Variants in CSMD1 observed in about 807,000 individuals in gnomAD.
CSMD1 encodes the protein CUB and sushi domain-containing protein 1.
Under a neutral mutation model 417.5 loss-of-function variants are expected in CSMD1, and 213 were observed. The ratio of observed to expected loss-of-function variants is 0.51; its 90% CI spans 0.46 to 0.57. The LOEUF (loss-of-function observed/expected upper bound fraction) is 0.57. CSMD1 is among the 20% of genes least tolerant of loss of function. CSMD1 has a pLI of 0.00. For missense variants in CSMD1, 6,923 were observed against 4,529.7 expected, an observed-to-expected ratio of 1.53 and a Z score of -15.17; for synonymous variants, 2,862 against 1,736.8, an observed-to-expected ratio of 1.65 and a Z score of -16.11.
At chr8:4,674,587 T>C (rs1221933323) in intron 1 of CSMD1, among the ~76,000 whole-genome samples, 1 of 152,144 alleles carries the variant, frequency 6.6e-6, no homozygotes, top group Admixed American at 6.5e-5. Context: ...GTTCTGGTAC[T>C]TGAAGCTTTG....
At chr8:4,130,848 A>G (rs1485072444) in intron 3 of CSMD1, among the ~76,000 whole-genome samples, 1 of 151,354 alleles carries the variant, frequency 6.6e-6, no homozygotes, top group African/African-American at 2.4e-5. Flanking sequence ...TATTATATAT[A>G]TATTATTTAA....
chr8:4,037,680 G>C (rs932116542), intron 3 of CSMD1, among the ~76,000 whole-genome samples: 1 of 152,240 alleles, frequency 6.6e-6, no homozygotes. Flanking sequence ...TGATTTTAAA[G>C]GGGAAGGTGT....
intron 54 of CSMD1, among the ~76,000 whole-genome samples, chr8:2,981,232 G>A (rs917723801): frequency 6.6e-6 from 1 of 152,178 alleles, no homozygotes; most frequent in Non-Finnish European, 1.5e-5. Flanking sequence ...GTTTGTTAGT[G>A]ACCAACCAAT....
intron 5 of CSMD1, among the ~76,000 whole-genome samples, chr8:3,925,142 A>T (rs533670646): frequency 1.3e-5 from 2 of 152,196 alleles, no homozygotes; most frequent in Non-Finnish European, 2.9e-5. Flanking sequence ...CCACCCAGCT[A>T]ATCCACTTCC....
At chr8:4,690,173 T>G (rs1455216460) in intron 1 of CSMD1, among the ~76,000 whole-genome samples, 3 of 152,200 alleles carry the variant, frequency 2.0e-5, no homozygotes, top group African/African-American at 7.2e-5. Flanking sequence ...ACCCTCACAG[T>G]GTTATTTACA....
At chr8:4,168,454 G>A (rs577862016) in intron 3 of CSMD1, among the ~76,000 whole-genome samples, 31 of 151,708 alleles carry the variant, frequency 2.0e-4, no homozygotes, top group Admixed American at 5.9e-4. Flanking sequence ...GCAATATAAC[G>A]TATTTTTAGA....
At chr8:4,332,173 C>T (rs921003488) in intron 3 of CSMD1, among the ~76,000 whole-genome samples, 2 of 152,098 alleles carry the variant, frequency 1.3e-5, no homozygotes, top group African/African-American at 2.4e-5. Flanking sequence ...GCAAACACAA[C>T]TGTGGACAGA....
At chr8:4,667,573 A>T (rs557333572) in intron 1 of CSMD1, among the ~76,000 whole-genome samples, 1 of 152,228 alleles carries the variant, frequency 6.6e-6, no homozygotes, top group East Asian at 1.9e-4. Flanking sequence ...TCAGATTTTT[A>T]TATATTTTCT....
chr8:3,662,838 G>C (rs1293551899), intron 7 of CSMD1, among the ~76,000 whole-genome samples: 2 of 152,070 alleles, frequency 1.3e-5, no homozygotes. Context: ...GGGCCTGTCG[G>C]TGGGTAGGGG....
At chr8:4,569,686 G>A (rs1016652938) in intron 2 of CSMD1, among the ~76,000 whole-genome samples, 1 of 152,130 alleles carries the variant, frequency 6.6e-6, no homozygotes, top group Non-Finnish European at 1.5e-5. Context: ...CAAAGTCAAT[G>A]GTAGCTTGAT....
At chr8:4,261,911 T>C (rs767345766) in intron 3 of CSMD1, among the ~76,000 whole-genome samples, 1 of 152,104 alleles carries the variant, frequency 6.6e-6, no homozygotes, top group Non-Finnish European at 1.5e-5. Flanking sequence ...TTAATCCAAA[T>C]ATAAATAAAT....
At chr8:4,220,109 C>A (rs967599186) in intron 3 of CSMD1, among the ~76,000 whole-genome samples, 2 of 152,092 alleles carry the variant, frequency 1.3e-5, no homozygotes, top group African/African-American at 4.8e-5. Flanking sequence ...GCCACCATGC[C>A]CAGCTGATTT....
intron 7 of CSMD1, among the ~76,000 whole-genome samples, chr8:3,671,725 C>T (rs972121007): frequency 1.3e-5 from 2 of 151,732 alleles, no homozygotes; most frequent in Non-Finnish European, 2.9e-5. Flanking sequence ...GCATGCCCAG[C>T]ACCGGCAGGC....
chr8:3,943,875 G>A lies in CSMD1; in HGVS notation c.818+54028C>T, dbSNP rs546355648. Among the ~76,000 whole-genome samples, 382 of 152,204 alleles carry A rather than the reference G, an allele frequency of 2.5e-3. 4 individuals are homozygous for A. Among genetic ancestry groups the A allele is most frequent in the Admixed American group, 3.6e-3 (55 of 15,276 alleles). On this transcript the variant is annotated intron_variant, in intron 5 of 69. Coordinates refer to ENST00000635120, the MANE Select transcript of CSMD1 (RefSeq NM_033225.6). Reference sequence around the variant, plus strand: ...GTTTCCTATTTAGGGAAACGAAAGAGACATGGCAGCTAAATGCAACCTGTG... The same window carrying A: ...GTTTCCTATTTAGGGAAACGAAAGAAACATGGCAGCTAAATGCAACCTGTG...
intron 3 of CSMD1, among the ~76,000 whole-genome samples, chr8:4,095,639 G>C (rs1055213330): frequency 2.6e-5 from 4 of 152,168 alleles, no homozygotes; most frequent in African/African-American, 9.7e-5. Context: ...TTATAGAAGA[G>C]AAAACATCCA....
chr8:3,979,344 T>C (rs530665426), intron 5 of CSMD1, among the ~76,000 whole-genome samples: 12 of 152,338 alleles, frequency 7.9e-5, no homozygotes, highest in South Asian at 6.2e-4. Context: ...GTGATGGCTG[T>C]TCTAAGGCAT....
At chr8:3,949,137 T>C (rs534787528) in intron 5 of CSMD1, among the ~76,000 whole-genome samples, 2 of 152,342 alleles carry the variant, frequency 1.3e-5, no homozygotes, top group South Asian at 2.1e-4. Context: ...TATGGATGCA[T>C]TGTGGAATGG....
intron 8 of CSMD1, among the ~76,000 whole-genome samples, chr8:3,607,445 C>G (rs1407200243): frequency 6.6e-6 from 1 of 152,198 alleles, no homozygotes; most frequent in Admixed American, 6.5e-5. Flanking sequence ...AATGCATGAA[C>G]TACTAAGACA....
intron 10 of CSMD1, among the ~76,000 whole-genome samples, chr8:3,547,579 TATTTAC>T (rs1798721626): frequency 6.6e-6 from 1 of 152,240 alleles, no homozygotes; most frequent in African/African-American, 2.4e-5. Context: ...GCTTTATTTT[TATTTAC>T]ATTGCTTTAC....
Sources: gnomAD v4.1 joint callset for allele counts (sites outside exome capture counted in the v4.1 genomes callset) on GRCh38, gnomAD v4.1.1 for gene constraint, MANE v1.5 for transcripts, NCBI Gene and HGNC (gene_info 2026-07-23, HGNC 2026-07-21) for gene names.